MSRB3: variants seen among roughly 807,000 people sequenced by gnomAD.
The protein encoded by MSRB3 is methionine-R-sulfoxide reductase B3.
In MSRB3, 13 loss-of-function variants were observed where a neutral mutation model predicts 21.0. The ratio of observed to expected loss-of-function variants is 0.62; its 90% CI spans 0.40 to 0.98. The LOEUF is 0.98. MSRB3 is among the 50% of genes least tolerant of loss of function. MSRB3 has a pLI of 0.00. For missense variants in MSRB3, 199 were observed against 230.3 expected (o/e 0.86, Z 0.88); for synonymous variants, 87 against 88.6 (o/e 0.98, Z 0.10).
chr12:65,384,013 A>G (rs1879085021), intron 5 of MSRB3, among the ~76,000 whole-genome samples: 1 of 152,234 alleles, frequency 6.6e-6, no homozygotes, highest in Non-Finnish European at 1.5e-5. Context: ...TTTATTATTT[A>G]CTATACATGG....
Position 65,463,612 on chromosome 12 carries a change from C to T in MSRB3, c.*290C>T. ...TTCTTTGAGCACATGGCTTCTTTTG[C>T]AGTTTTTCCCCCTTTGATTCAGAAG... On this transcript the variant is annotated 3_prime_UTR_variant, in exon 7 of 7. Transcript: ENST00000308259. 1 of 388,764 alleles carries T rather than the reference C, an allele frequency of 2.6e-6. No individual in the cohort carries two copies. Among genetic ancestry groups the T allele is most frequent in the Non-Finnish European group, 4.8e-6 (1 of 210,210 alleles). The allele number at this position is 388,764 out of a possible 1,614,324, so 24.1% of individuals were successfully genotyped here.
chr12:65,338,751 C>T (rs1366711970), intron 4 of MSRB3, among the ~76,000 whole-genome samples: 1 of 152,122 alleles, frequency 6.6e-6, no homozygotes, highest in African/African-American at 2.4e-5. Flanking sequence ...TTCCTCCAGG[C>T]ATTTGCCAAT....
intron 4 of MSRB3, among the ~76,000 whole-genome samples, chr12:65,349,577 C>T (rs1876790686): frequency 6.8e-6 from 1 of 147,352 alleles, no homozygotes; most frequent in African/African-American, 2.7e-5. Context: ...CCTGTTGTTT[C>T]CTGACTTTTT....
At chr12:65,450,043 C>A (rs946876048) in intron 5 of MSRB3, among the ~76,000 whole-genome samples, 1 of 151,922 alleles carries the variant, frequency 6.6e-6, no homozygotes, top group Non-Finnish European at 1.5e-5. Context: ...CAATTATGGG[C>A]TCAAGTAGAC....
chr12:65,291,479 T>C (rs1173651875), intron 1 of MSRB3, among the ~76,000 whole-genome samples: 7 of 150,672 alleles, frequency 4.6e-5, no homozygotes, highest in African/African-American at 1.7e-4. Context: ...TAAATATCTC[T>C]CATCTTAAAA....
intron 5 of MSRB3, among the ~76,000 whole-genome samples, chr12:65,373,135 G>A (rs755282188): frequency 2.6e-5 from 4 of 152,122 alleles, no homozygotes; most frequent in South Asian, 2.1e-4. Context: ...TGGCTCTGTC[G>A]CCAAATTTCA....
chr12:65,326,926 G>A lies in MSRB3; in HGVS notation c.177G>A (p.Gly59=). 1 of 1,612,834 alleles carries A rather than the reference G, an allele frequency of 6.2e-7. No homozygotes were observed. The highest frequency in any genetic ancestry group is 8.5e-7 in the Non-Finnish European group (1 of 1,179,040). ...PLQYHVTQEK[G]TESAFEGEYT... The stretch of plus-strand genomic sequence containing the variant: ...AGTACCATGTCACTCAGGAGAAAGG[G>A]ACCGAAAGGTAAGGTGAGCTTTAAT... The change falls in exon 3 of 7, where the codon GGG becomes GGA. Residue 59 remains glycine (G), a synonymous_variant. Coordinates refer to ENST00000308259, the MANE Select transcript of MSRB3 (RefSeq NM_001031679.3).
intron 6 of MSRB3, 118 bp from the exon 7 acceptor site, chr12:65,463,037 A>G: frequency 2.4e-6 from 3 of 1,250,716 alleles, no homozygotes; most frequent in Non-Finnish European, 2.3e-6. Flanking sequence ...GAAATCATCC[A>G]CGATGGTTTC....
chr12:65,303,413 G>A (rs763158874), intron 1 of MSRB3, among the ~76,000 whole-genome samples: 3 of 152,136 alleles, frequency 2.0e-5, no homozygotes, highest in East Asian at 1.9e-4. Context: ...CCAAAATAGG[G>A]CATTTGAATT....
chr12:65,287,868 A>G (rs1470053308), intron 1 of MSRB3, among the ~76,000 whole-genome samples: 2 of 152,196 alleles, frequency 1.3e-5, no homozygotes, highest in African/African-American at 4.8e-5. Flanking sequence ...TCAGTGTAGT[A>G]TTATGAAAAG....
At chr12:65,342,049 G>C (rs1282264562) in intron 4 of MSRB3, among the ~76,000 whole-genome samples, 1 of 151,940 alleles carries the variant, frequency 6.6e-6, no homozygotes, top group East Asian at 1.9e-4. Flanking sequence ...ACAAGTTCTA[G>C]GGGAAAATAG....
At chr12:65,308,876 T>G (rs1309302218) in intron 2 of MSRB3, 10 of 611,336 alleles carry the variant, frequency 1.6e-5, no homozygotes. Context: ...CCTTGCCCAG[T>G]GTATAATTGT....
At chr12:65,400,737 T>C (rs1472500419) in intron 5 of MSRB3, among the ~76,000 whole-genome samples, 1 of 152,236 alleles carries the variant, frequency 6.6e-6, no homozygotes, top group Non-Finnish European at 1.5e-5. Flanking sequence ...TGCTTTCTCC[T>C]GTGGGCATTT....
At chr12:65,372,114 G>A (rs748406708) in intron 5 of MSRB3, among the ~76,000 whole-genome samples, 25 of 152,120 alleles carry the variant, frequency 1.6e-4, no homozygotes, top group African/African-American at 3.4e-4. Flanking sequence ...ATTAAAAGGC[G>A]TTAAAGTTTT....
chr12:65,436,482 C>T (rs1386141151), intron 5 of MSRB3, among the ~76,000 whole-genome samples: 1 of 151,712 alleles, frequency 6.6e-6, no homozygotes, highest in Non-Finnish European at 1.5e-5. Context: ...TATTTGTTCT[C>T]ATGCATTTAG....
At chr12:65,449,628 T>A (rs909203384) in intron 5 of MSRB3, among the ~76,000 whole-genome samples, 5 of 152,194 alleles carry the variant, frequency 3.3e-5, no homozygotes, top group African/African-American at 4.8e-5. Context: ...TACTTTACAT[T>A]TGAAAATAAC....
chr12:65,455,724 T>C (rs1883058603), intron 6 of MSRB3, among the ~76,000 whole-genome samples: 1 of 152,086 alleles, frequency 6.6e-6, no homozygotes, highest in African/African-American at 2.4e-5. Context: ...GTTGGCTTAA[T>C]GCGATATAGT....
intron 5 of MSRB3, among the ~76,000 whole-genome samples, chr12:65,398,309 G>C (rs142766680): frequency 6.6e-6 from 1 of 152,234 alleles, no homozygotes; most frequent in East Asian, 1.9e-4. Context: ...ATTCTAACTG[G>C]TGTGAGATGG....
At chr12:65,303,504 T>G (rs1458758201) in intron 1 of MSRB3, among the ~76,000 whole-genome samples, 1 of 152,148 alleles carries the variant, frequency 6.6e-6, no homozygotes, top group Non-Finnish European at 1.5e-5. Context: ...ATATTTTAAT[T>G]CAAATTATTA....
Sources: allele counts gnomAD v4.1 joint callset (sites outside exome capture counted in the v4.1 genomes callset), GRCh38; gene constraint gnomAD v4.1.1; transcripts MANE v1.5; gene names NCBI Gene and HGNC (gene_info 2026-07-23, HGNC 2026-07-21).